Variants in CTNNA3 observed in about 807,000 individuals in gnomAD.
CTNNA3 encodes catenin alpha-3.
CTNNA3 carries 76 observed loss-of-function variants against 95.7 expected under a neutral mutation model. The observed-to-expected ratio is 0.79, with a 90% CI of 0.66 to 0.96. The LOEUF (loss-of-function observed/expected upper bound fraction) is 0.96. Among genes scored for constraint, CTNNA3 ranks in the 40% least tolerant of loss-of-function variants. The pLI, the probability that CTNNA3 is intolerant of heterozygous loss-of-function variation, is 0.00. For missense variants in CTNNA3, 1,191 were observed against 1,089.8 expected, an observed-to-expected ratio of 1.09 and a Z score of -1.31; for synonymous variants, 431 against 374.4, an observed-to-expected ratio of 1.15 and a Z score of -1.74.
At chr10:67,749,203 A>G (rs1370261697) in intron 1 of CTNNA3, among the ~76,000 whole-genome samples, 3 of 152,174 alleles carry the variant, frequency 2.0e-5, no homozygotes, top group Non-Finnish European at 4.4e-5. Context: ...ACTACCACAC[A>G]ATAATAGTGG....
chr10:66,626,977 C>G (rs188739762), intron 9 of CTNNA3, among the ~76,000 whole-genome samples: 1,739 of 152,056 alleles, frequency 0.011, 39 homozygotes, highest in African/African-American at 0.039. Context: ...TGACAACACA[C>G]AGATACATAC....
chr10:66,659,843 C>T (rs1258699527), intron 9 of CTNNA3, among the ~76,000 whole-genome samples: 1 of 152,142 alleles, frequency 6.6e-6, no homozygotes, highest in East Asian at 1.9e-4. Context: ...AAATAAACTT[C>T]CGCTGTTTAT....
At chr10:66,431,816 G>A (rs565840534) in intron 11 of CTNNA3, among the ~76,000 whole-genome samples, 1 of 151,758 alleles carries the variant, frequency 6.6e-6, no homozygotes, top group South Asian at 2.1e-4. Flanking sequence ...GTTAATGGGT[G>A]CAGCACACCA....
chr10:66,604,563 C>A (rs1488881796), intron 10 of CTNNA3, among the ~76,000 whole-genome samples: 2 of 152,104 alleles, frequency 1.3e-5, no homozygotes, highest in Non-Finnish European at 1.5e-5. Context: ...AGAGTACTGA[C>A]CAGCATTCTG....
intron 12 of CTNNA3, among the ~76,000 whole-genome samples, chr10:66,363,639 A>G (rs1430537240): frequency 7.9e-5 from 12 of 152,232 alleles, no homozygotes; most frequent in African/African-American, 2.4e-5. Context: ...AATTAAAAAC[A>G]TATTAGGGGA....
At chr10:66,601,990 T>C (rs927362658) in intron 10 of CTNNA3, among the ~76,000 whole-genome samples, 3 of 151,942 alleles carry the variant, frequency 2.0e-5, no homozygotes, top group Admixed American at 2.0e-4. Flanking sequence ...TAGGGGACAC[T>C]AGCATTGTCA....
intron 10 of CTNNA3, among the ~76,000 whole-genome samples, chr10:66,582,530 T>G (rs1389662802): frequency 6.6e-6 from 1 of 151,654 alleles, no homozygotes; most frequent in Non-Finnish European, 1.5e-5. Context: ...GATCTAGGAG[T>G]CTTTTGGAAG....
intron 7 of CTNNA3, among the ~76,000 whole-genome samples, chr10:66,778,792 A>G (rs921625227): frequency 1.3e-5 from 2 of 152,128 alleles, no homozygotes; most frequent in African/African-American, 4.8e-5. Context: ...CCTGGCCAAC[A>G]TGGTGAAACA....
chr10:66,596,148 A>G (rs906901598), intron 10 of CTNNA3, among the ~76,000 whole-genome samples: 1 of 152,020 alleles, frequency 6.6e-6, no homozygotes, highest in Non-Finnish European at 1.5e-5. Context: ...TCTTGGGGAC[A>G]CTAGGAACAG....
At chr10:66,687,374 A>T (rs1332784744) in intron 9 of CTNNA3, among the ~76,000 whole-genome samples, 2 of 152,086 alleles carry the variant, frequency 1.3e-5, no homozygotes, top group Admixed American at 6.5e-5. Context: ...TTCTCAGCGA[A>T]TTTCATTGGT....
At position 66,406,801 on chromosome 10, in the gene CTNNA3, T is replaced by C. The variant is rs569489072; in HGVS notation, c.1532-27449A>G. ...ACTTCTCCATGCTGCCACTCTTGTA[T>C]AATTATGTCATTATAAGAATATAGA... On this transcript the variant is annotated intron_variant, in intron 11 of 17. Coordinates refer to ENST00000433211, the MANE Select transcript of CTNNA3 (RefSeq NM_013266.4). Among the ~76,000 whole-genome samples, 154 of 152,292 alleles carry C rather than the reference T, an allele frequency of 1.0e-3. 1 individual carries two copies. Among genetic ancestry groups the C allele is most frequent in the African/African-American group, 3.3e-3 (139 of 41,582 alleles).
chr10:66,335,315 A>G (rs192793579), intron 12 of CTNNA3, among the ~76,000 whole-genome samples: 2 of 151,898 alleles, frequency 1.3e-5, no homozygotes, highest in Non-Finnish European at 2.9e-5. Flanking sequence ...TCTGATTTTT[A>G]GTGTTTCCAG....
At chr10:67,584,801 G>T (rs186021113) in intron 3 of CTNNA3, among the ~76,000 whole-genome samples, 4 of 152,298 alleles carry the variant, frequency 2.6e-5, no homozygotes, top group East Asian at 3.9e-4. Flanking sequence ...CTGTCACCTT[G>T]CAGTTCCATC....
At chr10:66,905,530 T>C (rs1013324498) in intron 7 of CTNNA3, among the ~76,000 whole-genome samples, 2 of 152,038 alleles carry the variant, frequency 1.3e-5, no homozygotes, top group African/African-American at 4.8e-5. Flanking sequence ...TTTTAAAAAA[T>C]TGAAATCAAG....
At chr10:66,211,991 T>A (rs1029547880) in intron 13 of CTNNA3, among the ~76,000 whole-genome samples, 39 of 142,382 alleles carry the variant, frequency 2.7e-4, no homozygotes, top group African/African-American at 9.4e-4. Flanking sequence ...GGGTTTTTTT[T>A]TTTTTTTTTT....
At chr10:67,640,802 A>G (rs1839503884) in intron 2 of CTNNA3, among the ~76,000 whole-genome samples, 1 of 152,222 alleles carries the variant, frequency 6.6e-6, no homozygotes, top group Non-Finnish European at 1.5e-5. Flanking sequence ...GGCTAGCCAT[A>G]TATAGAAAGC....
chr10:67,401,745 G>A (rs1407011593), intron 5 of CTNNA3, among the ~76,000 whole-genome samples: 1 of 152,064 alleles, frequency 6.6e-6, no homozygotes, highest in East Asian at 1.9e-4. Context: ...CATAGACAAA[G>A]GAACCACAAG....
chr10:67,590,577 T>C (rs553323207), intron 3 of CTNNA3, among the ~76,000 whole-genome samples: 2 of 152,264 alleles, frequency 1.3e-5, no homozygotes, highest in South Asian at 4.1e-4. Flanking sequence ...TGTCAGACTT[T>C]TTAATTTTTG....
rs187803903 is a variant in CTNNA3 at position 67,367,673 on chromosome 10, C to T, written c.580-147803G>A. Among the ~76,000 whole-genome samples the T allele has an allele frequency of 8.5e-5, 13 of 152,218 alleles. No homozygotes were observed. The East Asian group carries it at 2.3e-3, about 27-fold the overall frequency. On this transcript the variant is annotated intron_variant, in intron 5 of 17. Transcript: ENST00000433211. ...AAGACATGGAATCAACCTAGGTGCC[C>T]GTCAAAAGTGAACTGGATAAAGAAA...
Sources: allele counts gnomAD v4.1 joint callset (sites outside exome capture counted in the v4.1 genomes callset), GRCh38; gene constraint gnomAD v4.1.1; transcripts MANE v1.5; gene names NCBI Gene and HGNC (gene_info 2026-07-23, HGNC 2026-07-21).